RTL4: variants seen among roughly 807,000 people sequenced by gnomAD.
RTL4 encodes retrotransposon Gag like 4.
Under a neutral mutation model 5.3 loss-of-function variants are expected in RTL4, and 4 were observed. The ratio of observed to expected loss-of-function variants is 0.75; its 90% CI spans 0.37 to 1.72. The LOEUF is 1.72. Ranked by LOEUF, RTL4 falls within the 40% of genes most tolerant of loss-of-function variation. The pLI, the probability that RTL4 is intolerant of heterozygous loss-of-function variation, is 0.04. For missense variants in RTL4, 260 were observed against 227.1 expected (o/e 1.14, Z -0.93); for synonymous variants, 98 against 87.3 (o/e 1.12, Z -0.68).
the RTL4 span, among the ~76,000 whole-genome samples, chrX:112,422,615 C>G: frequency 1.8e-5 from 2 of 111,107 alleles, no homozygotes; most frequent in Admixed American, 1.9e-4. Context: ...AGGCATGAGG[C>G]ACCTTAAAGA....
At chrX:112,262,817 G>T in the RTL4 span, among the ~76,000 whole-genome samples, 1 of 110,805 alleles carries the variant, frequency 9.0e-6, no homozygotes, top group Non-Finnish European at 1.9e-5. Flanking sequence ...ATGATAGACT[G>T]GATTAAGAAA....
At chrX:112,095,788 G>A in the RTL4 span, among the ~76,000 whole-genome samples, 18 of 111,664 alleles carry the variant, frequency 1.6e-4, no homozygotes, top group African/African-American at 5.8e-4. Flanking sequence ...CTGAGGTACA[G>A]TGGTGAAAGA....
In RTL4 at chrX:112,455,601, A is replaced by AGATT. The variant is rs766507660; in HGVS notation, c.875_878dup (p.Cys293Ter). The AGATT allele has an allele frequency of 8.3e-7, 1 of 1,210,833 alleles. No individual in the cohort carries two copies. The highest frequency in any genetic ancestry group is 1.1e-6 in the Non-Finnish European group (1 of 894,801). ...GCAGCCAATCTGGTCACTTCACAAGAGATTGCCTTGCCAAACGTTCTCGAG... is the reference window on the plus strand; with the variant it reads ...GCAGCCAATCTGGTCACTTCACAAGAGATTGATTGCCTTGCCAAACGTTCTCGAG... On this transcript the variant is annotated frameshift_variant, in exon 1 of 1. Coordinates refer to ENST00000340433, the Ensembl canonical transcript of RTL4. LOFTEE classifies it high-confidence loss of function.
At chrX:112,320,869 A>G in the RTL4 span, among the ~76,000 whole-genome samples, 1 of 111,955 alleles carries the variant, frequency 8.9e-6, no homozygotes, top group African/African-American at 3.2e-5. Context: ...CTGTCTTTAA[A>G]CATTTCCATA....
chrX:112,413,250 G>T, the RTL4 span, among the ~76,000 whole-genome samples: 3 of 111,658 alleles, frequency 2.7e-5, no homozygotes, highest in Non-Finnish European at 5.7e-5. Context: ...CCATGCACCT[G>T]TTGGTGGGGA....
chrX:112,288,626 T>C, the RTL4 span, among the ~76,000 whole-genome samples: 1 of 112,199 alleles, frequency 8.9e-6, no homozygotes, highest in Admixed American at 9.5e-5. Flanking sequence ...CTTGAAAAAT[T>C]ACATTGGCTT....
the RTL4 span, among the ~76,000 whole-genome samples, chrX:112,102,019 T>G: frequency 9.0e-6 from 1 of 111,026 alleles, no homozygotes; most frequent in Non-Finnish European, 1.9e-5. Flanking sequence ...CCTCCAAAAC[T>G]GTAAAAGAAT....
At chrX:112,382,279 C>T in the RTL4 span, 1 of 818,361 alleles carries the variant, frequency 1.2e-6, no homozygotes. Flanking sequence ...TTAAGTGCTA[C>T]ATTAACCTGG....
the RTL4 span, among the ~76,000 whole-genome samples, chrX:112,246,460 CAGTT>C: frequency 6.3e-5 from 7 of 111,957 alleles, no homozygotes; most frequent in Non-Finnish European, 1.3e-4. Flanking sequence ...TGCCACCTAG[CAGTT>C]AGATCTCAGA....
chrX:112,244,746 G>A, the RTL4 span, among the ~76,000 whole-genome samples: 1 of 111,649 alleles, frequency 9.0e-6, no homozygotes, highest in African/African-American at 3.3e-5. Flanking sequence ...TATGATGTTA[G>A]CTGGTTATTT....
chrX:112,397,666 C>A, the RTL4 span, among the ~76,000 whole-genome samples: 1 of 111,887 alleles, frequency 8.9e-6, no homozygotes, highest in South Asian at 3.7e-4. Flanking sequence ...TCATTGACTT[C>A]TTTCATCGGT....
the RTL4 span, among the ~76,000 whole-genome samples, chrX:112,100,914 G>A: frequency 9.0e-6 from 1 of 111,659 alleles, no homozygotes; most frequent in Non-Finnish European, 1.9e-5. Context: ...AGAAAGGTAA[G>A]ATCAGATGTT....
chrX:112,117,103 C>A, the RTL4 span, among the ~76,000 whole-genome samples: 2 of 110,684 alleles, frequency 1.8e-5, no homozygotes, highest in Admixed American at 9.6e-5. Flanking sequence ...AAAGCAAAAA[C>A]TAATAGATTT....
the RTL4 span, among the ~76,000 whole-genome samples, chrX:112,127,204 A>G: frequency 8.9e-6 from 1 of 111,941 alleles, no homozygotes; most frequent in African/African-American, 3.2e-5. Context: ...AGTATATTAA[A>G]AGGGTTATAC....
the RTL4 span, among the ~76,000 whole-genome samples, chrX:112,443,254 G>T: frequency 1.8e-5 from 2 of 112,055 alleles, no homozygotes; most frequent in African/African-American, 6.5e-5. Context: ...TGTTGCAAAT[G>T]ACTGAATTTC....
chrX:112,424,550 A>G, the RTL4 span, among the ~76,000 whole-genome samples: 2 of 111,274 alleles, frequency 1.8e-5, no homozygotes, highest in East Asian at 5.7e-4. Flanking sequence ...CAGTTCTGCT[A>G]AGGTTGCAAC....
At chrX:112,355,032 T>A in the RTL4 span, among the ~76,000 whole-genome samples, 1 of 111,739 alleles carries the variant, frequency 8.9e-6, no homozygotes, top group African/African-American at 3.2e-5. Flanking sequence ...TAAATGCTTC[T>A]TCGGTGCTGC....
the RTL4 span, among the ~76,000 whole-genome samples, chrX:112,293,069 G>T: frequency 8.9e-6 from 1 of 112,003 alleles, no homozygotes; most frequent in African/African-American, 3.2e-5. Context: ...AACCAATCTG[G>T]ACCTCAGGCA....
the RTL4 span, among the ~76,000 whole-genome samples, chrX:112,329,386 C>T: frequency 1.3e-4 from 14 of 111,665 alleles, no homozygotes; most frequent in East Asian, 8.4e-4. Flanking sequence ...AATACCTCTA[C>T]GCAAATAAAC....
Sources: gnomAD v4.1 joint callset for allele counts (sites outside exome capture counted in the v4.1 genomes callset) on GRCh38, gnomAD v4.1.1 for gene constraint, MANE v1.5 for transcripts, NCBI Gene and HGNC (gene_info 2026-07-23, HGNC 2026-07-21) for gene names.